The following PDXDC1 variants were observed in gnomAD, a reference collection of about 807,000 sequenced individuals.
PDXDC1 encodes pyridoxal-dependent decarboxylase domain-containing protein 1.
PDXDC1 carries 42 observed loss-of-function variants against 100.1 expected under a neutral mutation model. The observed-to-expected ratio is 0.42, with a 90% CI of 0.33 to 0.54. The LOEUF (loss-of-function observed/expected upper bound fraction) is 0.54, where lower values mean the gene tolerates loss of function less well. Ranked by LOEUF, PDXDC1 falls within the 20% of genes least tolerant of loss-of-function variation. The probability of loss-of-function intolerance (pLI) is 0.10; values close to 1 mark genes in which losing one functional copy is unlikely to be tolerated. For synonymous variants in PDXDC1, 260 were observed against 371.7 expected (o/e 0.70, Z 3.46); for missense variants, 636 against 979.2 (o/e 0.65, Z 4.68).
At chr16:15,056,523 C>G (rs2044530249) in intron 16 of PDXDC1, among the ~76,000 whole-genome samples, 1 of 152,206 alleles carries the variant, frequency 6.6e-6, no homozygotes, top group Admixed American at 6.5e-5. Flanking sequence ...CGCCTGTAAT[C>G]CCAGCACTTT....
At position 15,092,609 on chromosome 16, in the gene PDXDC1, G is replaced by A. The variant is rs2046181495; in HGVS notation, c.1400-46270G>A. 3 of 1,593,358 alleles carry A rather than the reference G, an allele frequency of 1.9e-6. No homozygotes were observed. The African/African-American group carries it at 4.0e-5, about 21-fold the overall frequency. On this transcript the variant is annotated intron_variant, in intron 16 of 16. Coordinates refer to the PDXDC1 transcript ENST00000535621. ...GTCATTCTCTAATGCACGCATATTT[G>A]AAATCCTGTGGAACCAAGATTAACA...
Position 15,043,538 on chromosome 16 carries a change from A to G in PDXDC1, c.1399+13482A>G, listed in dbSNP as rs552112502. On this transcript the variant is annotated intron_variant, in intron 16 of 16. Transcript: ENST00000535621. ...GCCTGAGTGGCAGAGTGAGGCCTTC[A>G]GTCATGATGCCAAATTGCTTCCCAG... Among the ~76,000 whole-genome samples the G allele has an allele frequency of 2.0e-5, 3 of 152,332 alleles. No homozygotes were observed. In the South Asian group the frequency reaches 6.2e-4, roughly 32 times the overall value.
intron 16 of PDXDC1, among the ~76,000 whole-genome samples, chr16:15,095,088 TC>T (rs917804109): frequency 1.3e-5 from 2 of 152,076 alleles, no homozygotes; most frequent in Non-Finnish European, 2.9e-5. Context: ...TCCGCCCGCC[TC>T]GGCCTCCCAA....
intron 16 of PDXDC1, chr16:15,137,615 C>T (rs2048389679): frequency 7.4e-7 from 1 of 1,352,818 alleles, no homozygotes. Flanking sequence ...CCGCCCGCCG[C>T]ACTCACAGGC....
chr16:15,128,129 C>T lies in PDXDC1; in HGVS notation c.1400-10750C>T, dbSNP rs541301143. The T allele has an allele frequency of 7.5e-4, 1,203 of 1,610,050 alleles. 11 individuals are homozygous for T. In the African/African-American group the frequency reaches 0.015, roughly 20 times the overall value. On this transcript the variant is annotated intron_variant, in intron 16 of 16. Transcript: ENST00000535621. ...GACGTGCTGCAGGAACCAGGCAGGG[C>T]TGAGCCCTGCAGAGGCGCGGGAGGG...
chr16:15,058,722 C>T (rs964739228), intron 16 of PDXDC1, among the ~76,000 whole-genome samples: 2 of 152,118 alleles, frequency 1.3e-5, no homozygotes, highest in Non-Finnish European at 2.9e-5. Context: ...CAGAGTGAGA[C>T]TCTTGTCTCA....
In PDXDC1 at chr16:15,126,846, C is replaced by T. The variant is rs1466651462; in HGVS notation, c.1400-12033C>T. 6.2e-4 allele frequency: 110 copies of T among 177,386 alleles called. 1 individual carries two copies. Among genetic ancestry groups the T allele is most frequent in the South Asian group, 1.8e-3 (15 of 8,526 alleles). The allele number at this position is 177,386 out of a possible 1,614,324, so 11.0% of individuals were successfully genotyped here. ...TAAGTTTTTGTATTTGTAGTAGAGACGGGGTTTCATTGTGTTGGCCAGGCT... is the reference window on the plus strand; with the variant it reads ...TAAGTTTTTGTATTTGTAGTAGAGATGGGGTTTCATTGTGTTGGCCAGGCT... On this transcript the variant is annotated intron_variant, in intron 16 of 16. Coordinates refer to the PDXDC1 transcript ENST00000535621.
downstream of PDXDC1, among the ~76,000 whole-genome samples, chr16:15,143,142 C>T (rs888954356): frequency 6.6e-6 from 1 of 152,160 alleles, no homozygotes; most frequent in African/African-American, 2.4e-5. Flanking sequence ...GCCCCCAGCG[C>T]CGAGCGTCCG....
At chr16:15,089,724 C>T (rs1243791945) in intron 16 of PDXDC1, among the ~76,000 whole-genome samples, 9 of 130,350 alleles carry the variant, frequency 6.9e-5, no homozygotes, top group African/African-American at 2.3e-4. Context: ...CGCTTGAACC[C>T]GGGAGGCGGA....
intron 16 of PDXDC1, chr16:15,133,875 G>T: frequency 2.0e-6 from 3 of 1,522,692 alleles, no homozygotes; most frequent in South Asian, 2.3e-5. Flanking sequence ...CCCCAGCGGC[G>T]GGCGGTTGGG....
intron 16 of PDXDC1, chr16:15,137,805 A>G: frequency 1.3e-6 from 2 of 1,582,744 alleles, no homozygotes; most frequent in South Asian, 1.1e-5. Context: ...CCAGCCAGGG[A>G]GTCAGGCCCA....
intron 16 of PDXDC1, among the ~76,000 whole-genome samples, chr16:15,128,910 A>G (rs925687020): frequency 4.1e-5 from 6 of 145,702 alleles, no homozygotes; most frequent in Non-Finnish European, 1.5e-5. Flanking sequence ...GGTTCACGCC[A>G]TTCTCCTGCC....
At chr16:15,132,672 G>T (rs1173710411) in intron 16 of PDXDC1, 1 of 725,794 alleles carries the variant, frequency 1.4e-6, no homozygotes, top group Non-Finnish European at 2.4e-6. Context: ...GCTGAACCCA[G>T]TACCCTGGCA....
intron 16 of PDXDC1, chr16:15,073,137 T>C: frequency 6.4e-7 from 1 of 1,569,028 alleles, no homozygotes; most frequent in Non-Finnish European, 8.7e-7. Flanking sequence ...AAGTTTCATC[T>C]GCCATATTTT....
At chr16:14,989,398 G>A (rs1970174314) in intron 1 of PDXDC1, 1 of 1,609,446 alleles carries the variant, frequency 6.2e-7, no homozygotes, top group Non-Finnish European at 8.5e-7. Context: ...AACCCAGTGG[G>A]CGTAGGCGGG....
intron 16 of PDXDC1, among the ~76,000 whole-genome samples, chr16:15,124,819 G>C (rs2047616032): frequency 6.6e-6 from 1 of 150,894 alleles, no homozygotes; most frequent in African/African-American, 2.4e-5. Context: ...CAAAAGTATG[G>C]AATTCAATTC....
intron 1 of PDXDC1, chr16:14,975,721 C>T (rs1404177726): frequency 3.1e-6 from 3 of 975,576 alleles, no homozygotes; most frequent in Non-Finnish European, 3.6e-6. Flanking sequence ...CACCTGGGGC[C>T]TTTGGTAAAA....
chr16:15,066,301 A>C (rs551830677), intron 16 of PDXDC1, among the ~76,000 whole-genome samples: 128 of 151,270 alleles, frequency 8.5e-4, no homozygotes, highest in African/African-American at 3.1e-3. Flanking sequence ...ACAAGGAAGC[A>C]TGTGCCCACA....
intron 16 of PDXDC1, among the ~76,000 whole-genome samples, chr16:15,083,356 G>A (rs562055198): frequency 2.1e-4 from 32 of 152,152 alleles, no homozygotes; most frequent in Non-Finnish European, 2.4e-4. Flanking sequence ...CCAAGATGAC[G>A]CCATTGCACT....
Sources: gnomAD v4.1 joint callset for allele counts (sites outside exome capture counted in the v4.1 genomes callset) on GRCh38, gnomAD v4.1.1 for gene constraint, MANE v1.5 for transcripts, NCBI Gene and HGNC (gene_info 2026-07-23, HGNC 2026-07-21) for gene names.